Variants in MGAT5 observed in about 807,000 individuals in gnomAD.
The protein encoded by MGAT5 is alpha-1,6-mannosylglycoprotein 6-beta-N-acetylglucosaminyltransferase A.
MGAT5 carries 30 observed loss-of-function variants against 94.3 expected under a neutral mutation model. The ratio of observed to expected loss-of-function variants is 0.32; its 90% CI spans 0.24 to 0.43. The LOEUF (loss-of-function observed/expected upper bound fraction) is 0.43. Among genes scored for constraint, MGAT5 ranks in the 20% least tolerant of loss-of-function variants. The pLI, the probability that MGAT5 is intolerant of heterozygous loss-of-function variation, is 1.00. For missense variants in MGAT5, 691 were observed against 905.5 expected (o/e 0.76, Z 3.04); for synonymous variants, 310 against 322.9 (o/e 0.96, Z 0.43).
chr2:134,396,368 T>G (rs111575341), intron 10 of MGAT5, among the ~76,000 whole-genome samples: 4 of 152,242 alleles, frequency 2.6e-5, no homozygotes, highest in African/African-American at 9.6e-5. Context: ...ATAAAATAAT[T>G]TTTCATCTTT....
intron 2 of MGAT5, among the ~76,000 whole-genome samples, chr2:134,276,870 G>A (rs942386652): frequency 2.0e-5 from 3 of 152,210 alleles, no homozygotes; most frequent in African/African-American, 7.2e-5. Flanking sequence ...CCACGTTAGG[G>A]TGAAGCTGGT....
At chr2:134,264,086 G>A (rs777041902) in intron 1 of MGAT5, among the ~76,000 whole-genome samples, 23 of 141,798 alleles carry the variant, frequency 1.6e-4, no homozygotes, top group Non-Finnish European at 3.3e-4. Context: ...GCAATGGCAC[G>A]ATCTCGGCTC....
At chr2:134,142,798 G>A (rs1042154626) in intron 1 of MGAT5, among the ~76,000 whole-genome samples, 8 of 152,016 alleles carry the variant, frequency 5.3e-5, no homozygotes, top group Admixed American at 2.6e-4. Context: ...GAGAAGGGGC[G>A]GGATAAAGAC....
intron 10 of MGAT5, among the ~76,000 whole-genome samples, chr2:134,393,051 T>G (rs914080534): frequency 2.0e-5 from 3 of 152,244 alleles, no homozygotes; most frequent in African/African-American, 7.2e-5. Flanking sequence ...AGAATGTGCC[T>G]TCACATAATA....
chr2:134,216,931 G>A (rs1385943699), intron 1 of MGAT5, among the ~76,000 whole-genome samples: 1 of 152,158 alleles, frequency 6.6e-6, no homozygotes, highest in East Asian at 1.9e-4. Context: ...GGACCCTTTT[G>A]TCAGAAAATA....
intron 6 of MGAT5, among the ~76,000 whole-genome samples, chr2:134,340,570 T>G (rs1688566779): frequency 6.6e-6 from 1 of 152,182 alleles, no homozygotes; most frequent in South Asian, 2.1e-4. Flanking sequence ...AGAACAAGTT[T>G]ATTATTCTGA....
chr2:134,335,173 C>G (rs909723172), intron 4 of MGAT5, among the ~76,000 whole-genome samples: 1 of 147,418 alleles, frequency 6.8e-6, no homozygotes, highest in African/African-American at 2.5e-5. Context: ...ACTGAGAGGG[C>G]ACACTGTCTT....
At chr2:134,231,758 C>T (rs1681375177) in intron 1 of MGAT5, among the ~76,000 whole-genome samples, 2 of 152,152 alleles carry the variant, frequency 1.3e-5, no homozygotes, top group African/African-American at 2.4e-5. Context: ...GGAAAGATCA[C>T]TGGGTTTGTG....
chr2:134,426,502 C>G (rs1357224482), intron 13 of MGAT5, among the ~76,000 whole-genome samples: 1 of 152,160 alleles, frequency 6.6e-6, no homozygotes, highest in Non-Finnish European at 1.5e-5. Context: ...GGCGTGCTTC[C>G]TAACATAACT....
chr2:134,336,354 G>A, intron 5 of MGAT5, 66 bp downstream of exon 5: 5 of 1,340,272 alleles, frequency 3.7e-6, no homozygotes, highest in Non-Finnish European at 5.3e-6. Flanking sequence ...TGATACATGT[G>A]GAATCTTCTA....
intron 1 of MGAT5, among the ~76,000 whole-genome samples, chr2:134,138,735 G>A (rs188868419): frequency 1.2e-4 from 18 of 152,254 alleles, no homozygotes; most frequent in Admixed American, 5.2e-4. Flanking sequence ...CCGGACAAAC[G>A]TGAAACTTAT....
chr2:134,238,741 C>A (rs1681794349), intron 1 of MGAT5, among the ~76,000 whole-genome samples: 1 of 152,114 alleles, frequency 6.6e-6, no homozygotes, highest in Non-Finnish European at 1.5e-5. Flanking sequence ...GTCAGGAGTT[C>A]AAGACCAGCC....
intron 12 of MGAT5, among the ~76,000 whole-genome samples, chr2:134,419,954 CT>C (rs1440471334): frequency 2.6e-5 from 4 of 152,142 alleles, no homozygotes; most frequent in African/African-American, 7.2e-5. Context: ...TGACATTTTG[CT>C]CATCTTCAGA....
At chr2:134,421,198 G>A (rs1684268927) in intron 12 of MGAT5, among the ~76,000 whole-genome samples, 1 of 152,170 alleles carries the variant, frequency 6.6e-6, no homozygotes, top group Non-Finnish European at 1.5e-5. Flanking sequence ...ACAGCTCATT[G>A]GTGACGTTTC....
At chr2:134,159,188 CGTGTGTGTGTGTGTGTGTGTGTGT>C (rs138643972) in intron 1 of MGAT5, among the ~76,000 whole-genome samples, 9 of 144,100 alleles carry the variant, frequency 6.2e-5, no homozygotes, top group African/African-American at 2.3e-4. Flanking sequence ...GGTCTAAATT[CGTGTGTGTGTGTGTGTGTGTGTGT>C]GTGTGTGTGT....
chr2:134,274,689 G>C (rs767047182), intron 2 of MGAT5, among the ~76,000 whole-genome samples: 1 of 152,216 alleles, frequency 6.6e-6, no homozygotes, highest in Non-Finnish European at 1.5e-5. Context: ...CATAATGATA[G>C]CATCCAAGTG....
intron 15 of MGAT5, among the ~76,000 whole-genome samples, chr2:134,442,364 C>T (rs1161313726): frequency 6.6e-6 from 1 of 152,082 alleles, no homozygotes; most frequent in Non-Finnish European, 1.5e-5. Context: ...ATTGTTCAAC[C>T]CTGGAGTCAG....
At chr2:134,194,063 C>A (rs963111047) in intron 1 of MGAT5, among the ~76,000 whole-genome samples, 3 of 152,228 alleles carry the variant, frequency 2.0e-5, no homozygotes, top group Non-Finnish European at 4.4e-5. Context: ...TCATTCCATG[C>A]ACTTTCAATA....
upstream of MGAT5, among the ~76,000 whole-genome samples, chr2:134,250,150 T>C (rs1682508399): frequency 6.6e-6 from 1 of 152,188 alleles, no homozygotes; most frequent in African/African-American, 2.4e-5. Context: ...AACAAGGTGA[T>C]TGCTACTCTT....
Sources: allele counts gnomAD v4.1 joint callset (sites outside exome capture counted in the v4.1 genomes callset), GRCh38; gene constraint gnomAD v4.1.1; transcripts MANE v1.5; gene names NCBI Gene and HGNC (gene_info 2026-07-23, HGNC 2026-07-21).